BTBD16: variants seen among roughly 807,000 people sequenced by gnomAD.
The protein encoded by BTBD16 is BTB/POZ domain-containing protein 16.
In BTBD16, 66 loss-of-function variants were observed where a neutral mutation model predicts 67.4. The observed-to-expected ratio is 0.98, with a 90% CI of 0.80 to 1.20. The LOEUF (loss-of-function observed/expected upper bound fraction) is 1.20. BTBD16 is among the 50% of genes most tolerant of loss of function. BTBD16 has a pLI of 0.00. For synonymous variants in BTBD16, 242 were observed against 236.4 expected (o/e 1.02, Z -0.22); for missense variants, 634 against 616.0 (o/e 1.03, Z -0.31).
At chr10:122,273,221 G>GATATAT (rs71715395) in intron 1 of BTBD16, among the ~76,000 whole-genome samples, 7,303 of 129,292 alleles carry the variant, frequency 0.056, 288 homozygotes, top group African/African-American at 0.079. Context: ...GCAACACAAA[G>GATATAT]ATATATATAT....
At chr10:122,316,419 A>G (rs1206785404) in intron 10 of BTBD16, among the ~76,000 whole-genome samples, 2 of 152,160 alleles carry the variant, frequency 1.3e-5, no homozygotes, top group African/African-American at 4.8e-5. Flanking sequence ...GCGTCACTGA[A>G]CAACTAGGAT....
intron 3 of BTBD16, among the ~76,000 whole-genome samples, chr10:122,280,951 A>G (rs1473625198): frequency 6.6e-6 from 1 of 152,016 alleles, no homozygotes; most frequent in Non-Finnish European, 1.5e-5. Context: ...GACCACAGAC[A>G]TGGCCACCAC....
chr10:122,311,737 C>G (rs1225177764), intron 10 of BTBD16, among the ~76,000 whole-genome samples: 1 of 152,226 alleles, frequency 6.6e-6, no homozygotes, highest in African/African-American at 2.4e-5. Context: ...ACCTGTGTAA[C>G]CAGCACCCAG....
chr10:122,277,155 AAT>A (rs1491509237), intron 3 of BTBD16, among the ~76,000 whole-genome samples: 110 of 93,950 alleles, frequency 1.2e-3, no homozygotes, highest in Admixed American at 1.7e-3. Flanking sequence ...AGAAAGATTG[AAT>A]TTTTTTTTTT....
At chr10:122,310,751 G>C (rs1008417142) in intron 10 of BTBD16, among the ~76,000 whole-genome samples, 3 of 152,208 alleles carry the variant, frequency 2.0e-5, no homozygotes, top group Non-Finnish European at 2.9e-5. Flanking sequence ...CTACTTCCCG[G>C]GGAGGGGGAC....
intron 13 of BTBD16, chr10:122,332,743 C>T (rs762407871): frequency 2.2e-5 from 19 of 855,748 alleles, no homozygotes; most frequent in Non-Finnish European, 2.5e-5. Context: ...AGAGGACCAG[C>T]AGTCCTGGTG....
intron 13 of BTBD16, 62 bp from the exon 14 acceptor site, chr10:122,334,819 G>A: frequency 6.6e-6 from 7 of 1,057,358 alleles, no homozygotes; most frequent in Non-Finnish European, 1.0e-5. Flanking sequence ...ACCACGCCCG[G>A]GTGACTTTGA....
At chr10:122,301,620 G>T (rs1235757081) in intron 9 of BTBD16, among the ~76,000 whole-genome samples, 4 of 152,166 alleles carry the variant, frequency 2.6e-5, no homozygotes, top group East Asian at 1.9e-4. Flanking sequence ...TCAGGAAGAG[G>T]GGGGCTTGTT....
At chr10:122,298,692 T>G (rs1441709857) in intron 8 of BTBD16, among the ~76,000 whole-genome samples, 2 of 152,134 alleles carry the variant, frequency 1.3e-5, no homozygotes, top group Admixed American at 1.3e-4. Flanking sequence ...GCTCTGCCAC[T>G]TACGAGTTGT....
In BTBD16 at chr10:122,332,323, C is replaced by G. The variant is rs988827029; in HGVS notation, c.1087-113C>G. On this transcript the variant is annotated intron_variant, in intron 12 of 15. Coordinates refer to ENST00000260723, the MANE Select transcript of BTBD16 (RefSeq NM_144587.5). ...TGAATGTAAGTCTAGAGGCAAAACT[C>G]TTTTTCAAACCTGGTGAGGGGGGCA... 9.5e-5 allele frequency: 88 copies of G among 930,880 alleles called. No individual in the cohort carries two copies. The East Asian group carries it at 2.1e-3, about 22-fold the overall frequency. 57.7% of individuals were successfully genotyped at this position (930,880 alleles called of 1,614,324 possible).
At chr10:122,331,452 C>T (rs943417980) in intron 12 of BTBD16, among the ~76,000 whole-genome samples, 194 bp downstream of exon 12, 9 of 152,232 alleles carry the variant, frequency 5.9e-5, no homozygotes, top group South Asian at 2.1e-4. Context: ...CCTTGGAATC[C>T]GGGTAGTTCG....
At position 122,294,650 on chromosome 10, in the gene BTBD16, A is replaced by G. The variant is rs1357205512; in HGVS notation, c.591-3118A>G. On this transcript the variant is annotated intron_variant, in intron 7 of 15. Transcript: ENST00000260723. ...GCCAGAGGGGCATTTCCTTGCCTCC[A>G]TGCAGGGCTGAACTTCCTCTGTGGG... 2.6e-5 allele frequency among the ~76,000 whole-genome samples: 4 copies of G among 152,368 alleles called. No homozygotes were observed. In the East Asian group the frequency reaches 7.7e-4, roughly 29 times the overall value.
intron 9 of BTBD16, among the ~76,000 whole-genome samples, chr10:122,306,698 G>T (rs565560490): frequency 9.2e-4 from 140 of 152,312 alleles, no homozygotes; most frequent in African/African-American, 3.3e-3. Context: ...CTTAGTCATC[G>T]AGATGCAGTC....
chr10:122,337,254 C>G (rs2096464720), intron 15 of BTBD16, among the ~76,000 whole-genome samples: 1 of 152,172 alleles, frequency 6.6e-6, no homozygotes, highest in Non-Finnish European at 1.5e-5. Flanking sequence ...GGCCAGAGCC[C>G]CACCCAGATC....
At chr10:122,300,296 TATAATGCATAGAATATATGCA>T (rs565284106) in intron 9 of BTBD16, among the ~76,000 whole-genome samples, 110 of 152,166 alleles carry the variant, frequency 7.2e-4, no homozygotes, top group Non-Finnish European at 9.7e-4. Context: ...ATATACAATA[TATAATGCATAGAATATATGCA>T]ATAATGCATA....
chr10:122,291,509 A>G (rs1380937866), intron 7 of BTBD16: 2 of 227,194 alleles, frequency 8.8e-6, no homozygotes, highest in African/African-American at 4.5e-5. Context: ...CCCCCAAACC[A>G]GGCTTGCTTA....
chr10:122,307,924 G>A (rs1392470643), intron 10 of BTBD16, among the ~76,000 whole-genome samples: 2 of 152,228 alleles, frequency 1.3e-5, no homozygotes, highest in Non-Finnish European at 2.9e-5. Flanking sequence ...TGTGCGCTGC[G>A]TTAAGTAAAG....
chr10:122,314,945 C>CT (rs140980131), intron 10 of BTBD16, among the ~76,000 whole-genome samples: 6,008 of 152,032 alleles, frequency 0.04, 366 homozygotes, highest in East Asian at 0.23. Flanking sequence ...TAATGAACAT[C>CT]TTTTTTTTCT....
At chr10:122,295,644 C>CG (rs533699320) in intron 7 of BTBD16, among the ~76,000 whole-genome samples, 18 of 151,948 alleles carry the variant, frequency 1.2e-4, no homozygotes, top group Non-Finnish European at 2.2e-4. Context: ...GAAGTGGGAG[C>CG]GGGAGGAGGG....
Sources: allele counts gnomAD v4.1 joint callset (sites outside exome capture counted in the v4.1 genomes callset), GRCh38; gene constraint gnomAD v4.1.1; transcripts MANE v1.5; gene names NCBI Gene and HGNC (gene_info 2026-07-23, HGNC 2026-07-21).